SLC8A1: variants seen among roughly 807,000 people sequenced by gnomAD.
SLC8A1 encodes the protein solute carrier family 8 member A1, also known as sodium/calcium exchanger 1.
SLC8A1 carries 18 observed loss-of-function variants against 68.3 expected under a neutral mutation model. The ratio of observed to expected loss-of-function variants is 0.26; its 90% CI spans 0.18 to 0.39. The LOEUF (loss-of-function observed/expected upper bound fraction) is 0.39, where lower values mean the gene tolerates loss of function less well. Ranked by LOEUF, SLC8A1 falls within the 10% of genes least tolerant of loss-of-function variation. The pLI is 1.00. For synonymous variants in SLC8A1, 475 were observed against 415.5 expected, an observed-to-expected ratio of 1.14 and a Z score of -1.74; for missense variants, 985 against 1,156.7, an observed-to-expected ratio of 0.85 and a Z score of 2.15.
At chr2:40,386,562 C>T (rs1391168579) in intron 2 of SLC8A1, among the ~76,000 whole-genome samples, 1 of 76,370 alleles carries the variant, frequency 1.3e-5, no homozygotes, top group East Asian at 2.4e-4. Context: ...AATGGGACTA[C>T]CCTTTTATGA....
At chr2:40,400,704 G>A (rs962902239) in intron 2 of SLC8A1, among the ~76,000 whole-genome samples, 1 of 152,102 alleles carries the variant, frequency 6.6e-6, no homozygotes, top group East Asian at 1.9e-4. Context: ...AGAGAGCCAC[G>A]GAAAGAAAGG....
In SLC8A1 at chr2:40,115,750, A is replaced by G. The variant is rs368879351; in HGVS notation, c.2438-121T>C. 33 of 1,272,856 alleles carry G rather than the reference A, an allele frequency of 2.6e-5. No homozygotes were observed. The East Asian group carries it at 7.5e-4, about 29-fold the overall frequency. The allele number at this position is 1,272,856 out of a possible 1,614,324, so 78.8% of individuals were successfully genotyped here. On this transcript the variant is annotated intron_variant, in intron 7 of 7. Transcript: ENST00000406785. ...TTAATATAAACCCAGTGACCAAGAA[A>G]TGGCTTTGATGTTCCTCTGAGTCAG...
intron 5 of SLC8A1, 24 bp downstream of exon 8, chr2:40,164,829 TG>T: frequency 6.2e-7 from 1 of 1,612,628 alleles, no homozygotes; most frequent in Middle Eastern, 1.7e-4. Context: ...GACTGGCTCC[TG>T]GTGGGCAGTG....
intron 2 of SLC8A1, among the ~76,000 whole-genome samples, chr2:40,303,673 C>T (rs1479295210): frequency 6.6e-6 from 1 of 152,124 alleles, no homozygotes; most frequent in African/African-American, 2.4e-5. Flanking sequence ...TAGGTACAAT[C>T]CAGATGTATA....
chr2:40,232,265 A>C (rs1318799258), intron 2 of SLC8A1, among the ~76,000 whole-genome samples: 1 of 152,154 alleles, frequency 6.6e-6, no homozygotes, highest in African/African-American at 2.4e-5. Context: ...GTAGAGATGT[A>C]ACAGAAGGCA....
chr2:40,231,622 G>T (rs1246785770), intron 2 of SLC8A1, among the ~76,000 whole-genome samples: 2 of 151,914 alleles, frequency 1.3e-5, no homozygotes, highest in Non-Finnish European at 2.9e-5. Flanking sequence ...TAATTCTTCT[G>T]CAGATCCCCT....
At chr2:40,164,708 G>T (rs1208925154) in intron 5 of SLC8A1, 146 bp downstream of exon 8, 2 of 1,051,540 alleles carry the variant, frequency 1.9e-6, no homozygotes, top group Non-Finnish European at 2.8e-6. Context: ...TTCCAATTTG[G>T]CCCCAAAGGC....
exon 8 of SLC8A1, chr2:40,100,778 A>AGG (rs1340092263): frequency 1.3e-5 from 2 of 152,112 alleles, no homozygotes; most frequent in African/African-American, 4.8e-5. Context: ...GACCAGCAAC[A>AGG]GGGGAGGGTC....
intron 2 of SLC8A1, among the ~76,000 whole-genome samples, chr2:40,235,488 CTT>C (rs1189742017): frequency 6.6e-6 from 1 of 152,054 alleles, no homozygotes; most frequent in African/African-American, 2.4e-5. Context: ...AGTCTTCTCT[CTT>C]TTTTTCTTTA....
chr2:40,141,873 G>A (rs538379497), intron 6 of SLC8A1, among the ~76,000 whole-genome samples: 2 of 152,268 alleles, frequency 1.3e-5, no homozygotes, highest in East Asian at 1.9e-4. Flanking sequence ...AGGGATGTGC[G>A]TGCACAGAGG....
chr2:40,466,279 T>C lies in SLC8A1; in HGVS notation c.-24-35975A>G, dbSNP rs191232818. 1.3e-4 allele frequency among the ~76,000 whole-genome samples: 20 copies of C among 152,270 alleles called. No homozygotes were observed. In the East Asian group the frequency reaches 3.7e-3, roughly 28 times the overall value. Reference sequence around the variant, plus strand: ...TGATTATGACATTGACATTTAACAATAAATAGGACTAAGTCAATTTCAAAA... The same window carrying C: ...TGATTATGACATTGACATTTAACAACAAATAGGACTAAGTCAATTTCAAAA... On this transcript the variant is annotated intron_variant, in intron 1 of 7. Transcript: ENST00000402441.
At chr2:40,156,688 AC>A (rs752253501) in intron 6 of SLC8A1, among the ~76,000 whole-genome samples, 103 of 151,766 alleles carry the variant, frequency 6.8e-4, no homozygotes, top group Non-Finnish European at 1.2e-3. Context: ...AAAAAAAAAA[AC>A]ATTTCTATTT....
intron 2 of SLC8A1, among the ~76,000 whole-genome samples, chr2:40,371,865 A>G (rs1028770169): frequency 2.6e-5 from 4 of 152,056 alleles, no homozygotes; most frequent in African/African-American, 9.7e-5. Context: ...GCCAGACAAT[A>G]CGGTTTTACA....
intron 2 of SLC8A1, among the ~76,000 whole-genome samples, chr2:40,360,560 G>A (rs1210914164): frequency 6.6e-6 from 1 of 152,068 alleles, no homozygotes; most frequent in African/African-American, 2.4e-5. Context: ...TATTATTTAT[G>A]CCTCATTCTC....
chr2:40,221,112 CA>C (rs1558816654), intron 2 of SLC8A1, among the ~76,000 whole-genome samples: 1 of 151,678 alleles, frequency 6.6e-6, no homozygotes, highest in East Asian at 1.9e-4. Context: ...CCCTGATGAA[CA>C]TCGATGTGAA....
At chr2:40,353,737 T>A (rs557555054) in intron 2 of SLC8A1, among the ~76,000 whole-genome samples, 15 of 152,178 alleles carry the variant, frequency 9.9e-5, no homozygotes, top group Non-Finnish European at 1.3e-4. Context: ...CTTCTGCATA[T>A]CCTTTTAGAA....
chr2:40,256,546 G>A (rs2063952209), intron 2 of SLC8A1, among the ~76,000 whole-genome samples: 1 of 152,186 alleles, frequency 6.6e-6, no homozygotes, highest in South Asian at 2.1e-4. Context: ...CGCATTTAAT[G>A]TTCTTGTTTC....
intron 2 of SLC8A1, among the ~76,000 whole-genome samples, chr2:40,354,431 G>C (rs973311998): frequency 1.3e-5 from 2 of 152,154 alleles, no homozygotes; most frequent in Non-Finnish European, 2.9e-5. Context: ...CTATGTAAGA[G>C]GTCAATGCTG....
intron 2 of SLC8A1, among the ~76,000 whole-genome samples, chr2:40,325,710 G>A (rs551362284): frequency 8.5e-5 from 12 of 141,900 alleles, no homozygotes; most frequent in Admixed American, 7.7e-4. Flanking sequence ...AAGACGGGTG[G>A]ATCACAAGGT....
Sources: gnomAD v4.1 joint callset for allele counts (sites outside exome capture counted in the v4.1 genomes callset) on GRCh38, gnomAD v4.1.1 for gene constraint, MANE v1.5 for transcripts, NCBI Gene and HGNC (gene_info 2026-07-23, HGNC 2026-07-21) for gene names.